The following PCDHA2 variants were observed in gnomAD, a reference collection of about 807,000 sequenced individuals.
The protein encoded by PCDHA2 is protocadherin alpha-2.
PCDHA2 carries 58 observed loss-of-function variants against 66.0 expected under a neutral mutation model. The observed-to-expected ratio is 0.88, with a 90% CI of 0.71 to 1.09. PCDHA2 has a LOEUF of 1.09. PCDHA2 is among the 50% of genes least tolerant of loss of function. The probability of loss-of-function intolerance (pLI) is 0.00; values close to 1 mark genes in which losing one functional copy is unlikely to be tolerated. For synonymous variants in PCDHA2, 634 were observed against 554.0 expected, an observed-to-expected ratio of 1.14 and a Z score of -2.03; for missense variants, 1,267 against 1,242.3, an observed-to-expected ratio of 1.02 and a Z score of -0.30.
rs115890668 is a variant in PCDHA2 at position 140,925,958 on chromosome 5, A to G, written c.2389-52991A>G. Among the ~76,000 whole-genome samples, 1,223 of 152,250 alleles carry G rather than the reference A, an allele frequency of 8.0e-3. 5 individuals carry two copies. The highest frequency in any genetic ancestry group is 0.019 in the African/African-American group (788 of 41,548). On this transcript the variant is annotated intron_variant, in intron 1 of 3. Coordinates refer to ENST00000526136, the MANE Select transcript of PCDHA2 (RefSeq NM_018905.3). ...GCCTCTTGGAGAAGGAGAAACTGCT[A>G]TCACGCAAAAAAAAAGCCTTGAGCT... is the stretch of plus-strand genomic sequence containing the variant.
intron 1 of PCDHA2, chr5:140,835,572 T>C (rs782594410): frequency 7.4e-6 from 12 of 1,613,768 alleles, no homozygotes; most frequent in South Asian, 2.2e-5. Flanking sequence ...TCCCTTCAAG[T>C]TGGTGTCCAC....
At chr5:140,957,490 G>T (rs921873894) in intron 1 of PCDHA2, among the ~76,000 whole-genome samples, 1 of 152,130 alleles carries the variant, frequency 6.6e-6, no homozygotes, top group South Asian at 2.1e-4. Context: ...CATAGTATAT[G>T]TAGAATTCAG....
At chr5:140,856,696 A>C (rs2044153599) in intron 1 of PCDHA2, 1 of 1,596,642 alleles carries the variant, frequency 6.3e-7, no homozygotes, top group Non-Finnish European at 8.6e-7. Flanking sequence ...CAACTGATGG[A>C]GGCAAACCTG....
intron 1 of PCDHA2, chr5:140,855,998 G>T: frequency 6.6e-7 from 1 of 1,511,404 alleles, no homozygotes; most frequent in Non-Finnish European, 8.9e-7. Flanking sequence ...CAGATCGTAT[G>T]TGCGTTCTAG....
At chr5:140,833,460 T>C (rs1440945863) in intron 1 of PCDHA2, among the ~76,000 whole-genome samples, 2 of 152,148 alleles carry the variant, frequency 1.3e-5, no homozygotes, top group Non-Finnish European at 2.9e-5. Context: ...AAAATAAACT[T>C]ACATTTTAAA....
intron 1 of PCDHA2, chr5:140,875,523 G>A (rs782796444): frequency 6.2e-7 from 1 of 1,613,992 alleles, no homozygotes; most frequent in South Asian, 1.1e-5. Flanking sequence ...TGCTGCTCTC[G>A]CTTCTGCTCC....
chr5:140,982,666 T>G (rs2096995489), intron 3 of PCDHA2, 103 bp downstream of exon 3: 4 of 1,467,448 alleles, frequency 2.7e-6, no homozygotes. Context: ...TTCTTTTATA[T>G]TTTTGTTATT....
intron 1 of PCDHA2, chr5:140,828,834 A>G: frequency 1.9e-6 from 3 of 1,614,222 alleles, no homozygotes; most frequent in Non-Finnish European, 2.5e-6. Flanking sequence ...TCTGAATACG[A>G]AGTAAGAATA....
intron 1 of PCDHA2, chr5:140,805,546 G>C: frequency 2.0e-6 from 2 of 983,174 alleles, no homozygotes; most frequent in Non-Finnish European, 1.2e-6. Context: ...ATAACTTTAT[G>C]GATATAGGAG....
chr5:140,795,027 C>G lies in PCDHA2; in HGVS notation c.63C>G (p.Leu21=), dbSNP rs782638964. The change falls in exon 1 of 4, where the codon CTC becomes CTG. Residue 21 remains leucine, a synonymous_variant. Coordinates refer to ENST00000526136, the MANE Select transcript of PCDHA2 (RefSeq NM_018905.3). ...CACGGCTGCTCTCGCTTCTGCTCCT[C>G]GCAGCCTGGGAGGTGGGGAGCGGCC... ...AWTRLLSLLL[L]AAWEVGSGQL... The G allele has an allele frequency of 6.2e-7, 1 of 1,613,804 alleles. No homozygotes were observed.
chr5:140,803,813 G>T, intron 1 of PCDHA2: 1 of 696,392 alleles, frequency 1.4e-6, no homozygotes, highest in Non-Finnish European at 2.3e-6. Flanking sequence ...ATTTTGTTTT[G>T]TTATTAGGTG....
intron 1 of PCDHA2, chr5:140,807,613 C>A (rs1384362568): frequency 1.2e-6 from 2 of 1,614,064 alleles, no homozygotes; most frequent in Admixed American, 1.7e-5. Flanking sequence ...ACCTGTCCAT[C>A]GCGGAATCCA....
chr5:140,808,134 A>G (rs17844278), intron 1 of PCDHA2: 2 of 1,614,084 alleles, frequency 1.2e-6, no homozygotes, highest in East Asian at 4.5e-5. Flanking sequence ...AGCAAATCCT[A>G]TGAAATTATT....
chr5:140,887,201 A>G (rs1331832646), intron 1 of PCDHA2, among the ~76,000 whole-genome samples: 1 of 150,710 alleles, frequency 6.6e-6, no homozygotes, highest in Non-Finnish European at 1.5e-5. Context: ...GGTTCACGCC[A>G]TTCTCCTGCC....
At chr5:140,895,784 T>C (rs2065158516) in intron 1 of PCDHA2, among the ~76,000 whole-genome samples, 1 of 152,166 alleles carries the variant, frequency 6.6e-6, no homozygotes, top group Non-Finnish European at 1.5e-5. Flanking sequence ...TAGTATTCAA[T>C]GACGTATATG....
chr5:140,988,009 A>C (rs1223658003), intron 3 of PCDHA2, among the ~76,000 whole-genome samples: 3 of 152,204 alleles, frequency 2.0e-5, no homozygotes, highest in Non-Finnish European at 4.4e-5. Context: ...CCCCAGAAAG[A>C]AAGCATGATT....
At chr5:140,870,568 G>T (rs1554164428) in intron 1 of PCDHA2, 2 of 1,613,870 alleles carry the variant, frequency 1.2e-6, no homozygotes, top group African/African-American at 1.3e-5. Context: ...GAACGCGCTG[G>T]TGTCCTACTC....
intron 1 of PCDHA2, among the ~76,000 whole-genome samples, chr5:140,934,191 C>T (rs563342404): frequency 6.6e-6 from 1 of 152,224 alleles, no homozygotes; most frequent in African/African-American, 2.4e-5. Flanking sequence ...ACATACTTTT[C>T]ATTTCTATTT....
chr5:140,968,370 A>T (rs1169551068), intron 1 of PCDHA2: 1 of 1,613,428 alleles, frequency 6.2e-7, no homozygotes, highest in African/African-American at 1.3e-5. Flanking sequence ...TATGCTGTCA[A>T]CTCCTTTGAC....
Sources: allele counts gnomAD v4.1 joint callset (sites outside exome capture counted in the v4.1 genomes callset), GRCh38; gene constraint gnomAD v4.1.1; transcripts MANE v1.5; gene names NCBI Gene and HGNC (gene_info 2026-07-23, HGNC 2026-07-21).